The following STARD8 variants were observed in gnomAD, a reference collection of about 807,000 sequenced individuals.
The protein encoded by STARD8 is StAR related lipid transfer domain containing 8, also known as stAR-related lipid transfer protein 8.
Under a neutral mutation model 69.4 loss-of-function variants are expected in STARD8, and 25 were observed. That is an observed-to-expected ratio of 0.36 (90% CI 0.26 to 0.50). The LOEUF is 0.50. Among genes scored for constraint, STARD8 ranks in the 20% least tolerant of loss-of-function variants. STARD8 has a pLI of 0.96. For synonymous variants in STARD8, 389 were observed against 374.6 expected (o/e 1.04, Z -0.45); for missense variants, 921 against 932.5 (o/e 0.99, Z 0.16).
At chrX:68,653,082 ACACCACACACCACACACAC>A in intron 1 of STARD8, among the ~76,000 whole-genome samples, 1 of 33,339 alleles carries the variant, frequency 3.0e-5, no homozygotes, top group African/African-American at 1.5e-4. Flanking sequence ...CACACACACC[ACACCACACACCACACACAC>A]CACACACACA....
intron 2 of STARD8, among the ~76,000 whole-genome samples, chrX:68,706,417 A>G (rs1392485766): frequency 1.8e-5 from 2 of 111,647 alleles, no homozygotes; most frequent in Admixed American, 1.9e-4. Context: ...CGCCCCATAG[A>G]TAGGGCACTG....
chrX:68,711,586 A>T (rs186822055), intron 2 of STARD8, among the ~76,000 whole-genome samples: 1 of 111,589 alleles, frequency 9.0e-6, no homozygotes, highest in African/African-American at 3.3e-5. Context: ...TGAGGAGCCC[A>T]TTACTTTTTC....
At chrX:68,710,353 A>G (rs143215413) in intron 2 of STARD8, among the ~76,000 whole-genome samples, 16 of 112,456 alleles carry the variant, frequency 1.4e-4, no homozygotes, top group Middle Eastern at 4.6e-3. Context: ...TCCAGGGGTG[A>G]GAATCACTGA....
At chrX:68,691,059 G>A (rs183328816) in intron 2 of STARD8, among the ~76,000 whole-genome samples, 139 of 111,516 alleles carry the variant, frequency 1.2e-3, no homozygotes, top group African/African-American at 4.4e-3. Flanking sequence ...TGGGGCTTAC[G>A]TGGTCTGTGG....
At chrX:68,715,541 C>G (rs2080085148) in intron 4 of STARD8, among the ~76,000 whole-genome samples, 166 bp downstream of exon 4, 1 of 112,268 alleles carries the variant, frequency 8.9e-6, no homozygotes, top group South Asian at 3.7e-4. Context: ...TTTGTGATAC[C>G]CTCAACCACC....
At chrX:68,678,091 G>A (rs2079777859) in intron 2 of STARD8, among the ~76,000 whole-genome samples, 1 of 110,650 alleles carries the variant, frequency 9.0e-6, no homozygotes, top group Non-Finnish European at 1.9e-5. Context: ...AAGGTGGGAA[G>A]GGGCGAGACT....
intron 1 of STARD8, among the ~76,000 whole-genome samples, chrX:68,648,489 A>T (rs900099400): frequency 9.0e-6 from 1 of 111,555 alleles, no homozygotes; most frequent in African/African-American, 3.3e-5. Flanking sequence ...GGCTGGACAC[A>T]GTGGCTCACG....
At chrX:68,655,377 G>A (rs2079605216) in intron 1 of STARD8, among the ~76,000 whole-genome samples, 1 of 112,120 alleles carries the variant, frequency 8.9e-6, no homozygotes, top group Non-Finnish European at 1.9e-5. Flanking sequence ...CCACGTAGAG[G>A]GGGAAAGGCA....
At chrX:68,705,564 T>C (rs1349549900) in intron 2 of STARD8, among the ~76,000 whole-genome samples, 1 of 112,916 alleles carries the variant, frequency 8.9e-6, no homozygotes, top group Non-Finnish European at 1.9e-5. Context: ...GGACCACCAC[T>C]GAATGTTGCA....
Position 68,712,968 on chromosome X carries a change from A to C in STARD8, c.134A>C (p.Tyr45Ser). 4.1e-6 allele frequency: 5 copies of C among 1,206,309 alleles called. No homozygotes were observed. Among genetic ancestry groups the C allele is most frequent in the Non-Finnish European group, 5.6e-6 (5 of 892,698 alleles). Reference protein sequence around the residue: ...EWLQATGFPQYVQLFEEGSFP... With the variant: ...EWLQATGFPQSVQLFEEGSFP... ...CTTCAAGCAACAGGATTCCCTCAGT[A>C]TGTGCAGCTTTTTGAAGGTAAGGCC... The change falls in exon 3 of 15, where the codon TAT becomes TCT. Residue 45 changes from tyrosine to serine, a missense_variant. Transcript: ENST00000374599.
intron 1 of STARD8, among the ~76,000 whole-genome samples, chrX:68,661,113 C>A (rs1378525279): frequency 1.8e-5 from 2 of 111,072 alleles, no homozygotes; most frequent in East Asian, 5.7e-4. Context: ...CCAGGCAAGG[C>A]AAGGAAAAAA....
chrX:68,675,939 G>A (rs985690866), intron 2 of STARD8, among the ~76,000 whole-genome samples: 1 of 112,005 alleles, frequency 8.9e-6, no homozygotes, highest in African/African-American at 3.2e-5. Flanking sequence ...GCCTCCTTGG[G>A]TAAGTCCTTT....
At chrX:68,688,153 G>A (rs188679765) in intron 2 of STARD8, among the ~76,000 whole-genome samples, 160 of 112,434 alleles carry the variant, frequency 1.4e-3, no homozygotes, top group Non-Finnish European at 1.9e-3. Flanking sequence ...CTTGAGGAAA[G>A]GCCTGTTGAG....
chrX:68,684,948 G>A (rs2079822597), intron 2 of STARD8, among the ~76,000 whole-genome samples: 1 of 112,313 alleles, frequency 8.9e-6, no homozygotes, highest in Non-Finnish European at 1.9e-5. Flanking sequence ...TGCCACCATT[G>A]CCCTGGGGAA....
chrX:68,689,506 C>T (rs759333903), intron 2 of STARD8, among the ~76,000 whole-genome samples: 2 of 112,422 alleles, frequency 1.8e-5, no homozygotes, highest in Admixed American at 1.9e-4. Flanking sequence ...GACAGGTCCC[C>T]GCGTATCTGG....
intron 3 of STARD8, 49 bp from the exon 4 acceptor site, chrX:68,715,245 A>T (rs905752631): frequency 9.1e-7 from 1 of 1,094,909 alleles, no homozygotes; most frequent in Non-Finnish European, 1.2e-6. Context: ...GCTGAGGCTG[A>T]GTTTGTGATA....
In STARD8 at chrX:68,723,978, C is replaced by G. The variant is rs1445490990; in HGVS notation, c.3051C>G (p.Cys1017Trp). The change falls in exon 14 of 15, where the codon TGC (cysteine) becomes TGG (tryptophan). Residue 1017 changes from cysteine (C) to tryptophan (W), a missense_variant. Physicochemically the swap from Cys to Trp is radical, Grantham distance 215. Transcript: ENST00000374599. Reference sequence around the variant, plus strand: ...GCTCTGACCTGCCTCGTGGGGGTTGCCTGCTTGTCTCCCAGTCCCTGGATC... The same window carrying G: ...GCTCTGACCTGCCTCGTGGGGGTTGGCTGCTTGTCTCCCAGTCCCTGGATC... The part of the protein sequence containing the change: ...MWRSDLPRGG[C>W]LLVSQSLDPE... 4.1e-6 allele frequency: 5 copies of G among 1,210,697 alleles called. No individual in the cohort carries two copies. Among genetic ancestry groups the G allele is most frequent in the South Asian group, 1.8e-5 (1 of 56,852 alleles).
In STARD8 at chrX:68,678,182, A is replaced by T. The variant is rs182736819; in HGVS notation, c.79+12650A>T. ...GAAGGTGGGTGGGGTCAAAGAAGAG[A>T]TGAGTGTGGCCAGAGAAGGGAGGAT... is the stretch of plus-strand genomic sequence containing the variant. On this transcript the variant is annotated intron_variant, in intron 2 of 14. Transcript: ENST00000374599. Among the ~76,000 whole-genome samples, 13 of 111,453 alleles carry T rather than the reference A, an allele frequency of 1.2e-4. No homozygotes were observed. In the Middle Eastern group the frequency reaches 0.014, roughly 117 times the overall value.
At chrX:68,719,128 T>C (rs990829515) in intron 6 of STARD8, 97 bp from the exon 7 acceptor site, 22 of 972,298 alleles carry the variant, frequency 2.3e-5, no homozygotes, top group Admixed American at 4.2e-5. Flanking sequence ...CATTTTTTCT[T>C]TGGGGAGAAA....
Sources: gnomAD v4.1 joint callset for allele counts (sites outside exome capture counted in the v4.1 genomes callset) on GRCh38, gnomAD v4.1.1 for gene constraint, MANE v1.5 for transcripts, NCBI Gene and HGNC (gene_info 2026-07-23, HGNC 2026-07-21) for gene names.